ITPR1: variants seen among roughly 807,000 people sequenced by gnomAD.
The protein encoded by ITPR1 is inositol 1,4,5-trisphosphate receptor type 1.
Under a neutral mutation model 318.4 loss-of-function variants are expected in ITPR1, and 96 were observed. The observed-to-expected ratio is 0.30, with a 90% confidence interval of 0.26 to 0.36. The LOEUF (loss-of-function observed/expected upper bound fraction) is 0.36. ITPR1 is among the 10% of genes least tolerant of loss of function. ITPR1 has a pLI of 1.00. For synonymous variants in ITPR1, 1,312 were observed against 1,289.9 expected, an observed-to-expected ratio of 1.02 and a Z score of -0.37; for missense variants, 2,440 against 3,460.2, an observed-to-expected ratio of 0.71 and a Z score of 7.40.
At chr3:4,545,200 G>A (rs1339724894) in intron 4 of ITPR1, among the ~76,000 whole-genome samples, 1 of 152,198 alleles carries the variant, frequency 6.6e-6, no homozygotes, top group African/African-American at 2.4e-5. Context: ...TGAATCAGTT[G>A]ATCTGTTTAA....
chr3:4,497,135 G>A (rs304069), intron 2 of ITPR1, among the ~76,000 whole-genome samples: 136,739 of 152,238 alleles, frequency 0.9, 61,438 homozygotes, highest in East Asian at 1. Context: ...GCTTGAAGTC[G>A]GTGATGTGAA....
At chr3:4,513,230 A>C (rs1469556030) in intron 2 of ITPR1, among the ~76,000 whole-genome samples, 1 of 152,132 alleles carries the variant, frequency 6.6e-6, no homozygotes, top group East Asian at 1.9e-4. Context: ...CACACCACAG[A>C]GGCCTGTTCT....
At chr3:4,752,146 A>G (rs1020176922) in intron 44 of ITPR1, among the ~76,000 whole-genome samples, 2 of 152,148 alleles carry the variant, frequency 1.3e-5, no homozygotes, top group Non-Finnish European at 2.9e-5. Flanking sequence ...CTTTAAAAAT[A>G]TATATATTTT....
chr3:4,639,273 T>C, intron 5 of ITPR1, 111 bp from the exon 6 acceptor site: 1 of 785,654 alleles, frequency 1.3e-6, no homozygotes, highest in Non-Finnish European at 2.1e-6. Flanking sequence ...CTCAGGGATT[T>C]GCGTATTTCG....
intron 5 of ITPR1, among the ~76,000 whole-genome samples, chr3:4,634,257 A>G (rs1485629642): frequency 6.6e-6 from 1 of 152,008 alleles, no homozygotes; most frequent in Non-Finnish European, 1.5e-5. Flanking sequence ...TCTATCACCC[A>G]CGCTGGTGTG....
intron 3 of ITPR1, among the ~76,000 whole-genome samples, chr3:4,517,601 C>T (rs182537260): frequency 6.6e-6 from 1 of 152,172 alleles, no homozygotes; most frequent in Non-Finnish European, 1.5e-5. Context: ...ACTTGTGCTC[C>T]CACTGTAGAG....
chr3:4,496,071 C>A (rs367578554), intron 2 of ITPR1, among the ~76,000 whole-genome samples: 1 of 152,128 alleles, frequency 6.6e-6, no homozygotes, highest in Non-Finnish European at 1.5e-5. Flanking sequence ...AGAAACAAAA[C>A]CACAAGGAAC....
At chr3:4,804,896 C>T (rs1375430659) in intron 54 of ITPR1, among the ~76,000 whole-genome samples, 1 of 152,148 alleles carries the variant, frequency 6.6e-6, no homozygotes, top group East Asian at 1.9e-4. Context: ...ATTTCCCCCG[C>T]ACCTGTGGCC....
chr3:4,534,411 T>A (rs554070716), intron 4 of ITPR1, among the ~76,000 whole-genome samples: 2 of 152,312 alleles, frequency 1.3e-5, no homozygotes, highest in South Asian at 4.1e-4. Context: ...GCCTGGCTCT[T>A]ACAGGAGGCA....
chr3:4,521,045 T>A lies in ITPR1; in HGVS notation c.114T>A (p.Val38=). 6.2e-7 allele frequency: 1 copy of A among 1,613,708 alleles called. No homozygotes were observed. Among genetic ancestry groups the A allele is most frequent in the Non-Finnish European group, 8.5e-7 (1 of 1,179,640 alleles). ...ACAGCCTGGTTGATGATCGTTGTGT[T>A]GTACAGCCAGAAACCGGGGACCTTA... ...STLGLVDDRC[V]VQPETGDLNN... is the part of the protein sequence containing the mutation. The change falls in exon 4 of 62, where the codon GTT becomes GTA. Residue 38 remains valine (V), a synonymous_variant. Transcript: ENST00000649015.
chr3:4,625,102 A>G (rs2092781203), intron 4 of ITPR1, among the ~76,000 whole-genome samples: 1 of 152,200 alleles, frequency 6.6e-6, no homozygotes, highest in Admixed American at 6.5e-5. Context: ...GATTCTTGAT[A>G]AAGATAGCTA....
intron 10 of ITPR1, among the ~76,000 whole-genome samples, chr3:4,650,764 T>G (rs2093580182): frequency 6.6e-6 from 1 of 152,040 alleles, no homozygotes; most frequent in African/African-American, 2.4e-5. Context: ...CAAATATTTC[T>G]CCTGCCCTGA....
chr3:4,596,801 G>C (rs1317351838), intron 4 of ITPR1, among the ~76,000 whole-genome samples: 3 of 152,150 alleles, frequency 2.0e-5, no homozygotes, highest in Non-Finnish European at 4.4e-5. Context: ...TCATTATATA[G>C]GGCAAGCCAG....
intron 6 of ITPR1, among the ~76,000 whole-genome samples, chr3:4,639,940 A>G (rs1008691421): frequency 2.6e-5 from 4 of 152,216 alleles, no homozygotes; most frequent in Non-Finnish European, 5.9e-5. Flanking sequence ...ATACTTATCA[A>G]AAATATTTGA....
intron 41 of ITPR1, among the ~76,000 whole-genome samples, chr3:4,726,565 A>G (rs1190603012): frequency 3.3e-5 from 5 of 152,210 alleles, no homozygotes; most frequent in Non-Finnish European, 7.3e-5. Context: ...TGAACAAATG[A>G]TTGAATAGCT....
chr3:4,611,850 C>T (rs1041587099), intron 4 of ITPR1, among the ~76,000 whole-genome samples: 2 of 151,972 alleles, frequency 1.3e-5, no homozygotes, highest in African/African-American at 4.8e-5. Context: ...TTTAAAACTT[C>T]CTATTGTAAA....
At chr3:4,839,113 A>G (rs2051147875) in intron 61 of ITPR1, among the ~76,000 whole-genome samples, 1 of 152,224 alleles carries the variant, frequency 6.6e-6, no homozygotes, top group African/African-American at 2.4e-5. Flanking sequence ...GGATCACCTG[A>G]GGTCAGGAGT....
chr3:4,819,321 C>G (rs1217841322), intron 60 of ITPR1, among the ~76,000 whole-genome samples: 1 of 152,180 alleles, frequency 6.6e-6, no homozygotes, highest in Non-Finnish European at 1.5e-5. Context: ...GCCGTCTGTA[C>G]CCTTGAGGTC....
intron 37 of ITPR1, among the ~76,000 whole-genome samples, chr3:4,709,583 A>G (rs1402647764): frequency 1.3e-5 from 2 of 152,238 alleles, no homozygotes; most frequent in Admixed American, 1.3e-4. Flanking sequence ...AGGCTTTAGC[A>G]TCTTTTGAAG....
Sources: gnomAD v4.1 joint callset for allele counts (sites outside exome capture counted in the v4.1 genomes callset) on GRCh38, gnomAD v4.1.1 for gene constraint, MANE v1.5 for transcripts, NCBI Gene and HGNC (gene_info 2026-07-23, HGNC 2026-07-21) for gene names.